MCPH1: variants seen among roughly 807,000 people sequenced by gnomAD.
MCPH1 encodes the protein microcephalin 1.
Under a neutral mutation model 84.5 loss-of-function variants are expected in MCPH1, and 104 were observed. The ratio of observed to expected loss-of-function variants is 1.23; its 90% CI spans 1.05 to 1.45. The LOEUF is 1.45. MCPH1 is among the 40% of genes most tolerant of loss of function. The pLI is 0.00. For missense variants in MCPH1, 1,498 were observed against 1,005.7 expected, an observed-to-expected ratio of 1.49 and a Z score of -6.62; for synonymous variants, 514 against 366.8, an observed-to-expected ratio of 1.40 and a Z score of -4.58.
rs1306301103 is a variant in MCPH1, at chr8:6,474,015, G to A, written c.1936-3579G>A. 3.4e-6 allele frequency: 3 copies of A among 870,262 alleles called. No homozygotes were observed. The Admixed American group carries it at 5.7e-5, about 17-fold the overall frequency. 53.9% of individuals were successfully genotyped at this position (870,262 alleles called of 1,614,324 possible). On this transcript the variant is annotated intron_variant, in intron 9 of 13. Transcript: ENST00000344683. ...ATCTCACACTGAATATTGTCTTTTA[G>A]TTTCTTCTCATTATAACCCCTCATT... is the stretch of plus-strand genomic sequence containing the variant.
chr8:6,427,101 G>A (rs1801170137), intron 3 of MCPH1, among the ~76,000 whole-genome samples: 1 of 152,212 alleles, frequency 6.6e-6, no homozygotes, highest in African/African-American at 2.4e-5. Flanking sequence ...TTGTGAAACA[G>A]TGGTAAGTAT....
At chr8:6,604,090 G>A (rs1395322334) in intron 12 of MCPH1, among the ~76,000 whole-genome samples, 1 of 151,758 alleles carries the variant, frequency 6.6e-6, no homozygotes, top group Non-Finnish European at 1.5e-5. Context: ...CACTCTGCTG[G>A]TGGCCTCTGG....
chr8:6,626,011 C>G, intron 13 of MCPH1: 2 of 985,322 alleles, frequency 2.0e-6, no homozygotes, highest in Non-Finnish European at 2.4e-6. Context: ...ACAGCTCTTC[C>G]CCTGGGACTG....
intron 13 of MCPH1, among the ~76,000 whole-genome samples, chr8:6,642,010 C>G (rs1586906206): frequency 6.6e-6 from 1 of 152,102 alleles, no homozygotes; most frequent in East Asian, 1.9e-4. Context: ...CTATCTTGAG[C>G]TATAACTAAG....
chr8:6,509,581 G>C (rs891907638), intron 12 of MCPH1, among the ~76,000 whole-genome samples: 1 of 151,884 alleles, frequency 6.6e-6, no homozygotes, highest in Non-Finnish European at 1.5e-5. Context: ...CCTCATGTCT[G>C]TATAGTAGGG....
At chr8:6,547,947 C>T (rs1490970162) in intron 12 of MCPH1, among the ~76,000 whole-genome samples, 3 of 151,288 alleles carry the variant, frequency 2.0e-5, no homozygotes, top group Non-Finnish European at 2.9e-5. Flanking sequence ...GGTTATGACT[C>T]CTACGAGCCA....
At chr8:6,601,449 C>G (rs901088778) in intron 12 of MCPH1, among the ~76,000 whole-genome samples, 4 of 151,924 alleles carry the variant, frequency 2.6e-5, no homozygotes, top group African/African-American at 9.7e-5. Context: ...CTGCTCACCT[C>G]CTGCAGGGAG....
intron 9 of MCPH1, among the ~76,000 whole-genome samples, chr8:6,467,793 TG>T (rs775573225): frequency 6.6e-6 from 1 of 152,266 alleles, no homozygotes; most frequent in South Asian, 2.1e-4. Flanking sequence ...AGATGGGATT[TG>T]GCTGTGTTGA....
intron 12 of MCPH1, chr8:6,616,531 TGG>T (rs1396354719): frequency 6.6e-6 from 1 of 152,280 alleles, no homozygotes; most frequent in Non-Finnish European, 1.5e-5. Context: ...ACAGCCAATG[TGG>T]TTTAAGGCAA....
rs548814613 is a variant in MCPH1 at position 6,427,146 on chromosome 8, A to G, written c.234-4353A>G. Among the ~76,000 whole-genome samples, 3 of 152,330 alleles carry G rather than the reference A, an allele frequency of 2.0e-5. No individual in the cohort carries two copies. In the South Asian group the frequency reaches 6.2e-4, roughly 32 times the overall value. On this transcript the variant is annotated intron_variant, in intron 3 of 13. Transcript: ENST00000344683. ...TGAAATACTTAAACATAGAAAAGGT[A>G]GAGTAAAAATATGGTATAAAAGATA...
chr8:6,575,420 C>G (rs1194240460), intron 12 of MCPH1, among the ~76,000 whole-genome samples: 1 of 152,124 alleles, frequency 6.6e-6, no homozygotes, highest in Non-Finnish European at 1.5e-5. Context: ...GTCCTGTTCT[C>G]TGGATTATGG....
rs954611259 is a variant in MCPH1 at position 6,563,059 on chromosome 8, GTCTTC to G, written c.2215-58390_2215-58386del. ...GCCATGGCTGGGTCCGTCAATGAAA[GTCTTC>G]TCTTTCCTCTTTTTCCAGTAGCAAA... On this transcript the variant is annotated intron_variant, in intron 12 of 13. Coordinates refer to ENST00000344683, the MANE Select transcript of MCPH1 (RefSeq NM_024596.5). 3 of 1,052,912 alleles carry G rather than the reference GTCTTC, an allele frequency of 2.8e-6. No homozygotes were observed. The African/African-American group carries it at 4.8e-5, about 17-fold the overall frequency. 65.2% of individuals were successfully genotyped at this position (1,052,912 alleles called of 1,614,324 possible).
chr8:6,432,014 CATT>C (rs1563198648), intron 4 of MCPH1, among the ~76,000 whole-genome samples: 1 of 152,252 alleles, frequency 6.6e-6, no homozygotes, highest in Non-Finnish European at 1.5e-5. Flanking sequence ...AGTTGTCCTT[CATT>C]ATCCACAGAG....
intron 12 of MCPH1, among the ~76,000 whole-genome samples, chr8:6,503,599 G>A (rs1054428019): frequency 6.6e-6 from 1 of 152,180 alleles, no homozygotes; most frequent in Non-Finnish European, 1.5e-5. Context: ...AGGCACAGTT[G>A]GAAAACTCTC....
chr8:6,624,465 C>A (rs1831850562), intron 13 of MCPH1, among the ~76,000 whole-genome samples: 1 of 152,186 alleles, frequency 6.6e-6, no homozygotes, highest in African/African-American at 2.4e-5. Flanking sequence ...GTAGACCTCT[C>A]CAGTGTACCA....
At chr8:6,631,590 G>A (rs1326930085) in intron 13 of MCPH1, among the ~76,000 whole-genome samples, 1 of 150,786 alleles carries the variant, frequency 6.6e-6, no homozygotes, top group African/African-American at 2.4e-5. Flanking sequence ...TCATTAGGAA[G>A]ATGCAAATCA....
chr8:6,517,698 C>A (rs2129568496), intron 12 of MCPH1, among the ~76,000 whole-genome samples: 1 of 152,208 alleles, frequency 6.6e-6, no homozygotes, highest in African/African-American at 2.4e-5. Flanking sequence ...TGTCACAACC[C>A]CCAAGGCTGA....
At chr8:6,534,356 C>T (rs1820122435) in intron 12 of MCPH1, among the ~76,000 whole-genome samples, 1 of 151,662 alleles carries the variant, frequency 6.6e-6, no homozygotes, top group Admixed American at 6.6e-5. Context: ...AGGTTATATG[C>T]AGATCTACCC....
chr8:6,451,595 A>C (rs73516781), intron 8 of MCPH1, among the ~76,000 whole-genome samples: 1,932 of 152,280 alleles, frequency 0.013, 41 homozygotes, highest in African/African-American at 0.045. Flanking sequence ...GAACAAAGTG[A>C]ACTTGATATT....
Sources: gnomAD v4.1 joint callset for allele counts (sites outside exome capture counted in the v4.1 genomes callset) on GRCh38, gnomAD v4.1.1 for gene constraint, MANE v1.5 for transcripts, NCBI Gene and HGNC (gene_info 2026-07-23, HGNC 2026-07-21) for gene names.